MRE11: variants seen among roughly 807,000 people sequenced by gnomAD.
The protein encoded by MRE11 is MRE11 double strand break repair nuclease.
In MRE11, 62 loss-of-function variants were observed where a neutral mutation model predicts 91.7. The ratio of observed to expected loss-of-function variants is 0.68; its 90% CI spans 0.55 to 0.84. The LOEUF is 0.84. MRE11 is among the 40% of genes least tolerant of loss of function. MRE11 has a pLI of 0.00. For missense variants in MRE11, 796 were observed against 852.9 expected (o/e 0.93, Z 0.83); for synonymous variants, 273 against 271.4 (o/e 1.01, Z -0.06).
chr11:94,496,304 C>T (rs1200242771), upstream of MRE11, among the ~76,000 whole-genome samples: 1 of 152,098 alleles, frequency 6.6e-6, no homozygotes, highest in Non-Finnish European at 1.5e-5. Context: ...ACTTCAAAAC[C>T]TTTAAGCATT....
intron 18 of MRE11, among the ~76,000 whole-genome samples, chr11:94,432,343 G>A (rs1352870123): frequency 6.6e-6 from 1 of 152,150 alleles, no homozygotes; most frequent in Non-Finnish European, 1.5e-5. Flanking sequence ...TTTTTCTCAT[G>A]TCTTTATTGT....
chr11:94,503,662 C>T, the MRE11 span, among the ~76,000 whole-genome samples: 127 of 150,962 alleles, frequency 8.4e-4, no homozygotes, highest in African/African-American at 3.1e-3. Context: ...CGCCACTGCA[C>T]TCCAGCCTAG....
At chr11:94,471,432 T>A in intron 8 of MRE11, 142 bp downstream of exon 8, 2 of 764,730 alleles carry the variant, frequency 2.6e-6, no homozygotes, top group South Asian at 3.5e-5. Flanking sequence ...CACAGAATGA[T>A]CAATTTTCAA....
intron 14 of MRE11, among the ~76,000 whole-genome samples, chr11:94,456,048 C>G (rs1353764030): frequency 6.6e-6 from 1 of 152,112 alleles, no homozygotes; most frequent in Non-Finnish European, 1.5e-5. Flanking sequence ...AGGTGTGAGT[C>G]ACTGCACTTG....
the MRE11 span, among the ~76,000 whole-genome samples, chr11:94,506,501 A>G: frequency 6.6e-6 from 1 of 152,060 alleles, no homozygotes; most frequent in South Asian, 2.1e-4. Flanking sequence ...GAAATAAACC[A>G]CCTAAGTCAA....
Position 94,452,191 on chromosome 11 carries a change from T to A in MRE11, c.1563+4085A>T, listed in dbSNP as rs1201492979. On this transcript the variant is annotated intron_variant, in intron 14 of 19. Transcript: ENST00000323929. ...CAGCCTGGGTGACAGAGTGAGACTTTGCCTCAAAAAAAAAAAAAAAAAAGA... is the reference window on the plus strand; with the variant it reads ...CAGCCTGGGTGACAGAGTGAGACTTAGCCTCAAAAAAAAAAAAAAAAAAGA... 2.4e-5 allele frequency among the ~76,000 whole-genome samples: 3 copies of A among 127,128 alleles called. No individual in the cohort carries two copies. In the East Asian group the frequency reaches 7.0e-4, roughly 30 times the overall value. The allele number at this position is 127,128 out of a possible 152,430, so 83.4% of individuals were successfully genotyped here. A position where few individuals can be genotyped will look rare whatever the true frequency, so the allele number is the denominator to read the frequency against.
At chr11:94,461,114 G>A in intron 11 of MRE11, 78 bp from the exon 12 acceptor site, 1 of 1,288,208 alleles carries the variant, frequency 7.8e-7, no homozygotes, top group Non-Finnish European at 1.1e-6. Flanking sequence ...AGTTGTCAGT[G>A]GAGAAGGTAA....
At chr11:94,508,554 C>T in the MRE11 span, among the ~76,000 whole-genome samples, 1 of 152,138 alleles carries the variant, frequency 6.6e-6, no homozygotes, top group Non-Finnish European at 1.5e-5. Flanking sequence ...CACTACATTG[C>T]AGTGACACTT....
At chr11:94,452,802 T>C (rs552555848) in intron 14 of MRE11, among the ~76,000 whole-genome samples, 56 of 152,308 alleles carry the variant, frequency 3.7e-4, no homozygotes, top group African/African-American at 1.2e-3. Flanking sequence ...CATACTATCC[T>C]ACTGTTAAAC....
At chr11:94,498,793 CG>C, upstream of MRE11, 3 of 424,716 alleles carry the variant, frequency 7.1e-6, no homozygotes, top group East Asian at 4.5e-5. Flanking sequence ...AAACTTGACA[CG>C]GGTTGTACAG....
At chr11:94,496,989 G>A, upstream of MRE11, 1 of 1,609,556 alleles carries the variant, frequency 6.2e-7, no homozygotes, top group South Asian at 1.1e-5. Flanking sequence ...GTGACAGTAG[G>A]AAAAGCACTG....
intron 19 of MRE11, among the ~76,000 whole-genome samples, chr11:94,425,964 C>T (rs1418425287): frequency 1.3e-5 from 2 of 152,178 alleles, no homozygotes; most frequent in Non-Finnish European, 2.9e-5. Context: ...AAACTTGACA[C>T]TTGACCAATC....
intron 19 of MRE11, among the ~76,000 whole-genome samples, chr11:94,423,162 G>T (rs1857825461): frequency 1.3e-5 from 2 of 152,324 alleles, no homozygotes; most frequent in South Asian, 4.1e-4. Flanking sequence ...AGCACCAAGA[G>T]CTGATAGAGA....
chr11:94,496,975 A>T, upstream of MRE11: 1 of 1,611,320 alleles, frequency 6.2e-7, no homozygotes. Flanking sequence ...TTACAGAGGG[A>T]AGTGTGACAG....
Position 94,420,196 on chromosome 11 carries a change from A to G in MRE11, c.2071-15T>C. 6.3e-7 allele frequency: 1 copy of G among 1,581,686 alleles called. No individual in the cohort carries two copies. Among genetic ancestry groups the G allele is most frequent in the Non-Finnish European group, 8.6e-7 (1 of 1,160,182 alleles). Reference sequence around the variant, plus strand: ...TCATCATCATCCTGAAATGAGATACAAATGTTGTATTAGTGATTGTTCCCT... The same window carrying G: ...TCATCATCATCCTGAAATGAGATACGAATGTTGTATTAGTGATTGTTCCCT... On this transcript the variant is annotated splice_polypyrimidine_tract_variant and intron_variant, in intron 19 of 19. Transcript: ENST00000323929.
chr11:94,476,733 C>T (rs11020797), intron 6 of MRE11, among the ~76,000 whole-genome samples: 221 of 151,600 alleles, frequency 1.5e-3, no homozygotes, highest in African/African-American at 5.1e-3. Flanking sequence ...CTTTTCTTTT[C>T]TTTTCTAAAC....
chr11:94,507,769 T>C, the MRE11 span, among the ~76,000 whole-genome samples: 1 of 152,236 alleles, frequency 6.6e-6, no homozygotes, highest in African/African-American at 2.4e-5. Context: ...GTGTGATGAC[T>C]GACCACTTGG....
the MRE11 span, among the ~76,000 whole-genome samples, chr11:94,501,927 TG>T: frequency 2.0e-5 from 3 of 152,302 alleles, no homozygotes; most frequent in African/African-American, 7.2e-5. Context: ...GAAATCATAT[TG>T]TTTTTTTAAA....
chr11:94,498,268 T>C (rs1192221582), upstream of MRE11: 1 of 1,614,174 alleles, frequency 6.2e-7, no homozygotes, highest in East Asian at 2.2e-5. Flanking sequence ...GTAAGTGGAA[T>C]AATACCAGAG....
Sources: gnomAD v4.1 joint callset for allele counts (sites outside exome capture counted in the v4.1 genomes callset) on GRCh38, gnomAD v4.1.1 for gene constraint, MANE v1.5 for transcripts, NCBI Gene and HGNC (gene_info 2026-07-23, HGNC 2026-07-21) for gene names.